PSPH: variants seen among roughly 807,000 people sequenced by gnomAD.
The protein encoded by PSPH is L-3-phosphoserine phosphatase.
PSPH carries 16 observed loss-of-function variants against 23.4 expected under a neutral mutation model. That is an observed-to-expected ratio of 0.68 (90% CI 0.46 to 1.04). The LOEUF (loss-of-function observed/expected upper bound fraction) is 1.04. PSPH is among the 50% of genes least tolerant of loss of function. The pLI is 0.00. For missense variants in PSPH, 223 were observed against 273.7 expected, an observed-to-expected ratio of 0.81 and a Z score of 1.31; for synonymous variants, 68 against 99.7, an observed-to-expected ratio of 0.68 and a Z score of 1.89.
At chr7:56,040,460 C>G (rs1792381500) in intron 1 of PSPH, among the ~76,000 whole-genome samples, 1 of 152,006 alleles carries the variant, frequency 6.6e-6, no homozygotes, top group African/African-American at 2.4e-5. Flanking sequence ...GTGGTGTAAT[C>G]TCAACACACT....
chr7:56,046,310 AT>A, intron 1 of PSPH, among the ~76,000 whole-genome samples: 1 of 151,648 alleles, frequency 6.6e-6, no homozygotes. Flanking sequence ...CTAATTGTGT[AT>A]TTTTTTAGTA....
chr7:56,015,367 G>A (rs1230023526), intron 6 of PSPH, among the ~76,000 whole-genome samples, 196 bp from the exon 7 acceptor site: 1 of 152,110 alleles, frequency 6.6e-6, no homozygotes, highest in Non-Finnish European at 1.5e-5. Context: ...TTCCTTTTAT[G>A]ATTATGATTA....
chr7:56,038,775 G>A (rs6964658), intron 1 of PSPH, among the ~76,000 whole-genome samples: 181 of 151,870 alleles, frequency 1.2e-3, no homozygotes, highest in African/African-American at 4.3e-3. Context: ...GAGCCTGGGA[G>A]GTTGAGGCTG....
chr7:56,027,355 T>C (rs1213902679), intron 3 of PSPH, among the ~76,000 whole-genome samples: 1 of 152,162 alleles, frequency 6.6e-6, no homozygotes, highest in Non-Finnish European at 1.5e-5. Flanking sequence ...GAATGCATAA[T>C]GCATGGGTGC....
chr7:56,032,833 T>A (rs1180268770), intron 2 of PSPH, among the ~76,000 whole-genome samples: 1 of 151,834 alleles, frequency 6.6e-6, no homozygotes, highest in African/African-American at 2.4e-5. Context: ...GTATTTGTAG[T>A]CCCAGCTACT....
chr7:56,036,838 G>A (rs537572363), intron 1 of PSPH, among the ~76,000 whole-genome samples: 1 of 152,186 alleles, frequency 6.6e-6, no homozygotes, highest in East Asian at 1.9e-4. Context: ...CAACCAGGAG[G>A]TAATCTTGCC....
intron 3 of PSPH, among the ~76,000 whole-genome samples, chr7:56,029,840 T>C (rs140509144): frequency 6.9e-4 from 105 of 151,978 alleles, no homozygotes; most frequent in Non-Finnish European, 1.4e-3. Flanking sequence ...TCCCCGGGCA[T>C]TGAAAGAGTA....
chr7:56,019,494 A>G (rs1789018884), intron 5 of PSPH, 106 bp downstream of exon 5: 2 of 1,383,774 alleles, frequency 1.4e-6, no homozygotes, highest in Non-Finnish European at 1.9e-6. Flanking sequence ...AATGAAAATA[A>G]ATAAACCACC....
chr7:56,030,030 G>C (rs115973297), intron 3 of PSPH, among the ~76,000 whole-genome samples: 40 of 151,002 alleles, frequency 2.6e-4, no homozygotes, highest in African/African-American at 9.0e-4. Flanking sequence ...ATTCTGAAAA[G>C]GTTCTGAATC....
chr7:56,034,869 C>G (rs1791523743), intron 1 of PSPH, among the ~76,000 whole-genome samples: 1 of 151,734 alleles, frequency 6.6e-6, no homozygotes, highest in Non-Finnish European at 1.5e-5. Context: ...AAATGAGAGT[C>G]TTTGCACCTT....
At chr7:56,046,297 T>C (rs963850699) in intron 1 of PSPH, among the ~76,000 whole-genome samples, 3 of 152,024 alleles carry the variant, frequency 2.0e-5, no homozygotes, top group Non-Finnish European at 4.4e-5. Context: ...CCATCATGCC[T>C]GGCTAATTGT....
At chr7:56,046,064 T>C (rs1793196506) in intron 1 of PSPH, among the ~76,000 whole-genome samples, 1 of 152,092 alleles carries the variant, frequency 6.6e-6, no homozygotes, top group African/African-American at 2.4e-5. Flanking sequence ...ATGGTGGGTT[T>C]GGATCACAGC....
chr7:56,022,036 G>T (rs529313333), intron 3 of PSPH, among the ~76,000 whole-genome samples: 1 of 151,834 alleles, frequency 6.6e-6, no homozygotes, highest in African/African-American at 2.4e-5. Context: ...TATGAAACAG[G>T]GCTTCAGACT....
chr7:56,032,465 G>C (rs1791139000), intron 2 of PSPH, among the ~76,000 whole-genome samples: 1 of 150,254 alleles, frequency 6.7e-6, no homozygotes, highest in Non-Finnish European at 1.5e-5. Context: ...GGACCATCCT[G>C]GCTAACATGG....
chr7:56,018,286 G>A (rs1562788389), intron 5 of PSPH, among the ~76,000 whole-genome samples: 1 of 152,082 alleles, frequency 6.6e-6, no homozygotes, highest in Non-Finnish European at 1.5e-5. Context: ...GGAGGTTGCA[G>A]TGAGCCGAGA....
intron 3 of PSPH, among the ~76,000 whole-genome samples, chr7:56,030,269 C>G (rs1244848390): frequency 6.6e-6 from 1 of 151,880 alleles, no homozygotes; most frequent in Non-Finnish European, 1.5e-5. Flanking sequence ...GCCACCACAC[C>G]CAGGTAATTT....
chr7:56,011,607 A>T lies in PSPH; in HGVS notation c.*155T>A, dbSNP rs548683690. 1.7e-6 allele frequency: 1 copy of T among 589,108 alleles called. No individual in the cohort carries two copies. Among genetic ancestry groups the T allele is most frequent in the South Asian group, 2.2e-5 (1 of 45,198 alleles). 36.5% of individuals were successfully genotyped at this position (589,108 alleles called of 1,614,324 possible). A position where few individuals can be genotyped will look rare whatever the true frequency, so the allele number is the denominator to read the frequency against. ...CTACAGTTAAAAAAAAAAAAAAAGC[A>T]ATCTTCTAGGATTCCTAACTGTAGT... is the stretch of plus-strand genomic sequence containing the variant. On this transcript the variant is annotated 3_prime_UTR_variant, in exon 8 of 8. Transcript: ENST00000275605.
At chr7:56,042,487 C>T (rs1361128952) in intron 1 of PSPH, among the ~76,000 whole-genome samples, 1 of 151,808 alleles carries the variant, frequency 6.6e-6, no homozygotes, top group African/African-American at 2.4e-5. Flanking sequence ...ACTGTCTCTA[C>T]AAAACATCAA....
chr7:56,050,178 C>A (rs965940432), intron 1 of PSPH, among the ~76,000 whole-genome samples: 3 of 152,114 alleles, frequency 2.0e-5, no homozygotes, highest in Admixed American at 6.6e-5. Context: ...TACACAAACC[C>A]ACCTAAGAGC....
Sources: allele counts gnomAD v4.1 joint callset (sites outside exome capture counted in the v4.1 genomes callset), GRCh38; gene constraint gnomAD v4.1.1; transcripts MANE v1.5; gene names NCBI Gene and HGNC (gene_info 2026-07-23, HGNC 2026-07-21).